Variants in FHIT observed in about 807,000 individuals in gnomAD.
FHIT encodes bis(5'-adenosyl)-triphosphatase.
A neutral mutation model predicts 17.9 loss-of-function variants in FHIT; 19 were observed. The observed-to-expected ratio is 1.06, with a 90% CI of 0.74 to 1.56. FHIT has a LOEUF of 1.56. Among genes scored for constraint, FHIT ranks in the 40% most tolerant of loss-of-function variants. The pLI is 0.00. For missense variants in FHIT, 248 were observed against 189.2 expected (o/e 1.31, Z -1.82); for synonymous variants, 81 against 69.7 (o/e 1.16, Z -0.81).
chr3:59,981,203 A>T (rs947582748), intron 7 of FHIT, among the ~76,000 whole-genome samples: 1 of 152,198 alleles, frequency 6.6e-6, no homozygotes, highest in Non-Finnish European at 1.5e-5. Context: ...GGAGTTTAGA[A>T]GAATACTATG....
intron 5 of FHIT, among the ~76,000 whole-genome samples, chr3:60,061,831 G>A (rs552428039): frequency 6.6e-6 from 1 of 152,284 alleles, no homozygotes; most frequent in African/African-American, 2.4e-5. Context: ...TCATACAGAA[G>A]GAAGGGCATT....
intron 3 of FHIT, among the ~76,000 whole-genome samples, chr3:60,934,134 A>G (rs1708084068): frequency 6.6e-6 from 1 of 152,196 alleles, no homozygotes; most frequent in African/African-American, 2.4e-5. Flanking sequence ...CCAGAATGAA[A>G]TAAGTACGTT....
intron 4 of FHIT, among the ~76,000 whole-genome samples, chr3:60,748,320 T>C (rs79207688): frequency 0.049 from 7,500 of 152,282 alleles, 601 homozygotes; most frequent in African/African-American, 0.17. Context: ...GAAAAGTTTA[T>C]TTATGTGCAT....
intron 3 of FHIT, among the ~76,000 whole-genome samples, chr3:60,920,015 C>G (rs1292168099): frequency 1.5e-4 from 22 of 148,256 alleles, no homozygotes; most frequent in African/African-American, 4.2e-4. Context: ...GCCTGGGCGA[C>G]AGAGCGAGAC....
chr3:60,421,933 G>A (rs771944674), intron 5 of FHIT, among the ~76,000 whole-genome samples: 1 of 152,214 alleles, frequency 6.6e-6, no homozygotes, highest in Non-Finnish European at 1.5e-5. Context: ...CTGGCAAGGC[G>A]CTATCAGCCT....
chr3:59,825,593 A>G (rs1246929244), intron 8 of FHIT, among the ~76,000 whole-genome samples: 2 of 152,228 alleles, frequency 1.3e-5, no homozygotes, highest in African/African-American at 4.8e-5. Context: ...AATACTCAGA[A>G]AAATGCTCAG....
intron 4 of FHIT, among the ~76,000 whole-genome samples, chr3:60,702,294 A>C (rs1288995853): frequency 6.6e-6 from 1 of 152,178 alleles, no homozygotes; most frequent in African/African-American, 2.4e-5. Context: ...ATTACATTTT[A>C]ATGTTTAGAA....
chr3:60,611,423 C>A (rs1316903420), intron 4 of FHIT, among the ~76,000 whole-genome samples: 1 of 152,090 alleles, frequency 6.6e-6, no homozygotes, highest in Non-Finnish European at 1.5e-5. Context: ...TATTTATAAC[C>A]TACAGCTCAA....
rs111619446 is a variant in FHIT, at chr3:59,795,450, A to G, written c.349-43129T>C. ...ATATAAAATAAGGCTGTATTCATAA[A>G]GGATACAGGGATTAAAGCAAACCAA... On this transcript the variant is annotated intron_variant, in intron 8 of 9. Coordinates refer to ENST00000492590, the MANE Select transcript of FHIT (RefSeq NM_002012.4). Among the ~76,000 whole-genome samples the G allele has an allele frequency of 6.3e-3, 964 of 152,124 alleles. 16 individuals are homozygous for G. The highest frequency in any genetic ancestry group is 0.023 in the African/African-American group (935 of 41,442).
At chr3:60,013,247 C>A (rs1700209947) in intron 6 of FHIT, among the ~76,000 whole-genome samples, 1 of 152,178 alleles carries the variant, frequency 6.6e-6, no homozygotes, top group African/African-American at 2.4e-5. Flanking sequence ...TTCAGTTTAA[C>A]TAACAGGCTG....
chr3:61,122,380 T>G (rs2036484907), intron 2 of FHIT, among the ~76,000 whole-genome samples: 1 of 152,178 alleles, frequency 6.6e-6, no homozygotes, highest in Non-Finnish European at 1.5e-5. Context: ...ACTTAAATGT[T>G]AGACCTAAAA....
chr3:60,686,626 C>A (rs1553698526), intron 4 of FHIT, among the ~76,000 whole-genome samples: 1 of 152,008 alleles, frequency 6.6e-6, no homozygotes, highest in Admixed American at 6.6e-5. Flanking sequence ...CTTTGGTCTG[C>A]CTGTGTATGT....
At chr3:60,926,988 C>T (rs183517432) in intron 3 of FHIT, among the ~76,000 whole-genome samples, 1 of 152,238 alleles carries the variant, frequency 6.6e-6, no homozygotes, top group Admixed American at 6.5e-5. Context: ...CTCCGTCTCC[C>T]GCTTTCCACG....
intron 5 of FHIT, among the ~76,000 whole-genome samples, chr3:60,100,400 A>AT (rs1236498261): frequency 4.6e-5 from 7 of 152,138 alleles, no homozygotes; most frequent in African/African-American, 1.4e-4. Flanking sequence ...AAAAATTGTG[A>AT]TTTTTTGAAA....
intron 3 of FHIT, among the ~76,000 whole-genome samples, chr3:60,910,404 TTC>T (rs1307858775): frequency 2.2e-4 from 32 of 147,790 alleles, no homozygotes; most frequent in African/African-American, 7.6e-4. Flanking sequence ...TTACAGGTCT[TTC>T]TCTCTTTTTT....
chr3:61,041,606 C>G (rs1428434740), intron 3 of FHIT, among the ~76,000 whole-genome samples: 1 of 151,708 alleles, frequency 6.6e-6, no homozygotes, highest in Non-Finnish European at 1.5e-5. Context: ...TGATATCTAC[C>G]CTTTCCTCCT....
chr3:59,901,039 G>C (rs1159793371), intron 8 of FHIT, among the ~76,000 whole-genome samples: 5 of 152,198 alleles, frequency 3.3e-5, no homozygotes, highest in Non-Finnish European at 7.3e-5. Flanking sequence ...TGTTTTGTCT[G>C]TTAACGTAAC....
At chr3:60,729,132 G>A (rs1466425671) in intron 4 of FHIT, among the ~76,000 whole-genome samples, 1 of 152,216 alleles carries the variant, frequency 6.6e-6, no homozygotes, top group African/African-American at 2.4e-5. Flanking sequence ...TGGCCCGAAG[G>A]CCACGGATCA....
At chr3:60,790,334 A>C (rs1308636907) in intron 4 of FHIT, among the ~76,000 whole-genome samples, 1 of 152,206 alleles carries the variant, frequency 6.6e-6, no homozygotes, top group Non-Finnish European at 1.5e-5. Flanking sequence ...ACCTTTGCCT[A>C]TATATTAATA....
Sources: allele counts gnomAD v4.1 joint callset (sites outside exome capture counted in the v4.1 genomes callset), GRCh38; gene constraint gnomAD v4.1.1; transcripts MANE v1.5; gene names NCBI Gene and HGNC (gene_info 2026-07-23, HGNC 2026-07-21).